The following FSTL4 variants were observed in gnomAD, a reference collection of about 807,000 sequenced individuals.
The protein encoded by FSTL4 is follistatin-related protein 4.
Under a neutral mutation model 78.2 loss-of-function variants are expected in FSTL4, and 28 were observed. The ratio of observed to expected loss-of-function variants is 0.36; its 90% CI spans 0.27 to 0.49. The LOEUF (loss-of-function observed/expected upper bound fraction) is 0.49. Ranked by LOEUF, FSTL4 falls within the 20% of genes least tolerant of loss-of-function variation. The pLI is 0.98. For synonymous variants in FSTL4, 422 were observed against 440.5 expected (o/e 0.96, Z 0.53); for missense variants, 922 against 1,084.9 (o/e 0.85, Z 2.11).
chr5:133,658,139 T>A, the FSTL4 span, among the ~76,000 whole-genome samples: 1 of 152,194 alleles, frequency 6.6e-6, no homozygotes, highest in Non-Finnish European at 1.5e-5. Context: ...CTAACTTGAT[T>A]GCATGTTTTA....
chr5:133,508,464 C>A (rs1031421273), intron 3 of FSTL4, among the ~76,000 whole-genome samples: 3 of 152,186 alleles, frequency 2.0e-5, no homozygotes, highest in African/African-American at 7.2e-5. Context: ...AGCATTGCCA[C>A]AAACACGTGA....
intron 6 of FSTL4, among the ~76,000 whole-genome samples, chr5:133,256,050 G>A (rs1160618312): frequency 6.6e-6 from 1 of 152,070 alleles, no homozygotes; most frequent in African/African-American, 2.4e-5. Flanking sequence ...TTCCTACTTG[G>A]ATATTTGCCA....
intron 14 of FSTL4, among the ~76,000 whole-genome samples, chr5:133,202,952 T>A (rs1750378389): frequency 6.6e-6 from 1 of 152,140 alleles, no homozygotes; most frequent in South Asian, 2.1e-4. Flanking sequence ...TGAAGTCAGA[T>A]AGGATGAGTG....
chr5:133,635,384 A>C, the FSTL4 span, among the ~76,000 whole-genome samples: 3,369 of 152,362 alleles, frequency 0.022, 46 homozygotes, highest in South Asian at 0.038. Context: ...TTGCTTCCAC[A>C]ATAAATGTGG....
the FSTL4 span, among the ~76,000 whole-genome samples, chr5:133,624,026 T>C: frequency 6.6e-6 from 1 of 152,058 alleles, no homozygotes. Flanking sequence ...AATTGTTCAG[T>C]CGTGGAAGAC....
At chr5:133,250,292 A>G (rs1356316189) in intron 6 of FSTL4, among the ~76,000 whole-genome samples, 1 of 152,192 alleles carries the variant, frequency 6.6e-6, no homozygotes. Flanking sequence ...GCTTTTTGAA[A>G]TTCTCAGGAT....
chr5:133,738,138 A>G, the FSTL4 span, among the ~76,000 whole-genome samples: 2 of 152,144 alleles, frequency 1.3e-5, no homozygotes, highest in Non-Finnish European at 2.9e-5. Context: ...ACCAAGCCAG[A>G]TGTAAAGAAT....
At chr5:133,222,692 C>T (rs1751179806) in intron 11 of FSTL4, among the ~76,000 whole-genome samples, 1 of 152,212 alleles carries the variant, frequency 6.6e-6, no homozygotes, top group African/African-American at 2.4e-5. Context: ...AACAGTCATT[C>T]AACAAGTAAT....
intron 12 of FSTL4, among the ~76,000 whole-genome samples, chr5:133,220,342 CCT>C (rs1168290430): frequency 6.6e-6 from 1 of 152,254 alleles, no homozygotes; most frequent in Non-Finnish European, 1.5e-5. Context: ...TTTCCTGGAT[CCT>C]CTATCAGCAA....
intron 8 of FSTL4, among the ~76,000 whole-genome samples, chr5:133,231,951 T>C (rs1408531120): frequency 6.6e-6 from 1 of 152,192 alleles, no homozygotes; most frequent in East Asian, 1.9e-4. Context: ...GCAGCGTAAA[T>C]AGATCCTTAA....
intron 3 of FSTL4, among the ~76,000 whole-genome samples, chr5:133,424,361 G>T (rs1171347046): frequency 6.6e-6 from 1 of 152,206 alleles, no homozygotes; most frequent in Non-Finnish European, 1.5e-5. Flanking sequence ...AATTTGGGAA[G>T]TTTACAGAGC....
intron 3 of FSTL4, among the ~76,000 whole-genome samples, chr5:133,542,544 T>G (rs895279529): frequency 6.6e-6 from 1 of 152,172 alleles, no homozygotes; most frequent in Non-Finnish European, 1.5e-5. Flanking sequence ...GTTGGAAAAT[T>G]TGTTAGTACC....
At chr5:133,691,667 T>C in the FSTL4 span, among the ~76,000 whole-genome samples, 1 of 152,000 alleles carries the variant, frequency 6.6e-6, no homozygotes, top group Non-Finnish European at 1.5e-5. Flanking sequence ...TGCTCAAGAC[T>C]GGGGTGAATG....
At chr5:133,752,314 TGA>T in the FSTL4 span, among the ~76,000 whole-genome samples, 2 of 151,724 alleles carry the variant, frequency 1.3e-5, no homozygotes, top group Non-Finnish European at 2.9e-5. Flanking sequence ...CCCCTGGGAG[TGA>T]GAGAGAGGGC....
chr5:133,699,524 G>A, the FSTL4 span, among the ~76,000 whole-genome samples: 1 of 152,078 alleles, frequency 6.6e-6, no homozygotes, highest in Non-Finnish European at 1.5e-5. Context: ...GCTCAGAAGA[G>A]TTAGGTACTT....
In FSTL4 at chr5:133,210,138, A is replaced by G. The variant is rs946977346; in HGVS notation, c.1716+53T>C. On this transcript the variant is annotated intron_variant, in intron 14 of 15. Transcript: ENST00000265342. ...CAGGAGATACTTATTTTATAGGGAG[A>G]GAGTTCTTCTCTCAGTGGAGTGTGG... 6.6e-6 allele frequency: 6 copies of G among 915,562 alleles called. No homozygotes were observed. The Admixed American group carries it at 9.2e-5, about 14-fold the overall frequency. 56.7% of individuals were successfully genotyped at this position (915,562 alleles called of 1,614,324 possible).
chr5:133,665,832 C>T, the FSTL4 span, among the ~76,000 whole-genome samples: 2 of 152,158 alleles, frequency 1.3e-5, no homozygotes, highest in South Asian at 4.1e-4. Context: ...AGAAAAAATG[C>T]GGAGCAAGAG....
chr5:133,378,454 A>T (rs1230024914), intron 4 of FSTL4, among the ~76,000 whole-genome samples: 1 of 152,212 alleles, frequency 6.6e-6, no homozygotes, highest in Non-Finnish European at 1.5e-5. Context: ...ACTGAAGAAA[A>T]CCAGCAATGG....
chr5:133,581,359 GA>G (rs1264853822), intron 2 of FSTL4, among the ~76,000 whole-genome samples: 1 of 152,194 alleles, frequency 6.6e-6, no homozygotes, highest in Admixed American at 6.5e-5. Context: ...GATGCACCAT[GA>G]ACTTCAGTTT....
Sources: gnomAD v4.1 joint callset for allele counts (sites outside exome capture counted in the v4.1 genomes callset) on GRCh38, gnomAD v4.1.1 for gene constraint, MANE v1.5 for transcripts, NCBI Gene and HGNC (gene_info 2026-07-23, HGNC 2026-07-21) for gene names.